Variants in PRDM16 observed in about 807,000 individuals in gnomAD.
PRDM16 encodes the protein PR/SET domain 16.
Under a neutral mutation model 110.6 loss-of-function variants are expected in PRDM16, and 23 were observed. The observed-to-expected ratio is 0.21, with a 90% CI of 0.15 to 0.29. The LOEUF (loss-of-function observed/expected upper bound fraction) is 0.29. PRDM16 is among the 10% of genes least tolerant of loss of function. The pLI is 1.00. For missense variants in PRDM16, 1,615 were observed against 1,794.3 expected (o/e 0.90, Z 1.81); for synonymous variants, 799 against 781.8 (o/e 1.02, Z -0.37).
Position 3,385,148 on chromosome 1 carries a change from G to T in PRDM16, c.439-4G>T, listed in dbSNP as rs1060504136. Reference sequence around the variant, plus strand: ...TGACTCCCGCTTCGCTTTCCTCCCAGCAGATCTCCGAAGACCTGGGCAGTG... The same window carrying T: ...TGACTCCCGCTTCGCTTTCCTCCCATCAGATCTCCGAAGACCTGGGCAGTG... On this transcript the variant is annotated splice_polypyrimidine_tract_variant and splice_region_variant and intron_variant, in intron 3 of 16. Transcript: ENST00000270722. 3 of 1,613,428 alleles carry T rather than the reference G, an allele frequency of 1.9e-6. No individual in the cohort carries two copies.
chr1:3,194,043 C>T (rs188707360), intron 2 of PRDM16, among the ~76,000 whole-genome samples: 278 of 152,322 alleles, frequency 1.8e-3, no homozygotes, highest in Non-Finnish European at 3.0e-3. Flanking sequence ...CGGCCTGGGC[C>T]GAGAGCAGCT....
At chr1:3,274,525 T>A (rs759204510) in intron 3 of PRDM16, among the ~76,000 whole-genome samples, 2 of 152,230 alleles carry the variant, frequency 1.3e-5, no homozygotes, top group Non-Finnish European at 2.9e-5. Flanking sequence ...AGCGTGCAGT[T>A]CATAATATTC....
At chr1:3,119,795 G>A (rs1005181408) in intron 1 of PRDM16, among the ~76,000 whole-genome samples, 4 of 152,206 alleles carry the variant, frequency 2.6e-5, no homozygotes, top group Admixed American at 2.0e-4. Context: ...TGCTGCAGAC[G>A]CTGAGAAAGG....
chr1:3,142,888 G>T (rs908844883), intron 1 of PRDM16, among the ~76,000 whole-genome samples: 1 of 152,198 alleles, frequency 6.6e-6, no homozygotes, highest in African/African-American at 2.4e-5. Context: ...GCAAGGGACC[G>T]GCATGGCTGG....
intron 2 of PRDM16, among the ~76,000 whole-genome samples, chr1:3,197,197 C>T (rs931515560): frequency 1.3e-5 from 2 of 152,192 alleles, no homozygotes; most frequent in Non-Finnish European, 2.9e-5. Flanking sequence ...ATGAACTGGG[C>T]CCCAGGGAGG....
At position 3,433,346 on chromosome 1, in the gene PRDM16, T is replaced by A. The variant is rs567522734; in HGVS notation, c.3697-331T>A. On this transcript the variant is annotated intron_variant, in intron 16 of 16. Coordinates refer to ENST00000270722, the MANE Select transcript of PRDM16 (RefSeq NM_022114.4). ...TCCCTCTTGTTCCTTCTGCCCCCTG[T>A]GGCCCAGGGCAAGGTTGAGCCAGGC... Among the ~76,000 whole-genome samples the A allele has an allele frequency of 9.8e-5, 15 of 152,358 alleles. No individual in the cohort carries two copies. In the South Asian group the frequency reaches 3.1e-3, roughly 32 times the overall value.
chr1:3,349,685 C>G (rs1230718944), intron 3 of PRDM16, among the ~76,000 whole-genome samples: 2 of 152,190 alleles, frequency 1.3e-5, no homozygotes, highest in Non-Finnish European at 2.9e-5. Context: ...AGCTTCCCCT[C>G]CCTCCCACTC....
At chr1:3,104,467 G>A (rs889116340) in intron 1 of PRDM16, among the ~76,000 whole-genome samples, 15 of 150,006 alleles carry the variant, frequency 1.0e-4, no homozygotes, top group African/African-American at 3.7e-4. Flanking sequence ...AGAGAGGACA[G>A]GGTGCTGAGT....
chr1:3,249,291 C>T (rs1639870244), intron 3 of PRDM16, among the ~76,000 whole-genome samples: 1 of 152,038 alleles, frequency 6.6e-6, no homozygotes, highest in Non-Finnish European at 1.5e-5. Flanking sequence ...CACAGAGCTG[C>T]AGAAGGAGGC....
intron 4 of PRDM16, among the ~76,000 whole-genome samples, chr1:3,387,704 G>A (rs542184904): frequency 5.9e-5 from 9 of 152,358 alleles, no homozygotes; most frequent in African/African-American, 9.6e-5. Flanking sequence ...GCCCAGGCAC[G>A]GGGAGTGAGG....
At chr1:3,375,607 T>C (rs1262505706) in intron 3 of PRDM16, among the ~76,000 whole-genome samples, 1 of 152,144 alleles carries the variant, frequency 6.6e-6, no homozygotes, top group African/African-American at 2.4e-5. Context: ...CATGTGCAGG[T>C]TGCAGGAAGG....
rs1380028151 is a variant in PRDM16, at chr1:3,412,524, C to T, written c.2327C>T (p.Thr776Ile). Residue 776 changes from threonine to isoleucine, a missense_variant, in exon 9 of 17, where the codon ACC (threonine) becomes ATC (isoleucine). Thr to Ile is a moderately conservative substitution (Grantham distance 89, BLOSUM62 -1). Coordinates refer to ENST00000270722, the MANE Select transcript of PRDM16 (RefSeq NM_022114.4). ...GPSAECPFDL[T>I]TKPKDVKPIL... ...AGTGCCGAGTGCCCCTTTGATCTCA[C>T]CACCAAGCCCAAAGACGTGAAGCCC... 6 of 1,612,968 alleles carry T rather than the reference C, an allele frequency of 3.7e-6. No homozygotes were observed. In the East Asian group the frequency reaches 1.3e-4, roughly 36 times the overall value.
chr1:3,429,710 C>A (rs189940288), intron 14 of PRDM16, among the ~76,000 whole-genome samples: 3 of 152,188 alleles, frequency 2.0e-5, no homozygotes, highest in African/African-American at 7.2e-5. Context: ...CGACCAGGAC[C>A]GAGGAACTCT....
intron 1 of PRDM16, among the ~76,000 whole-genome samples, chr1:3,110,087 G>T (rs1345707455): frequency 6.7e-6 from 1 of 150,240 alleles, no homozygotes; most frequent in African/African-American, 2.5e-5. Context: ...CTGGGTGTGG[G>T]GACACAGTGG....
rs1020921613 is a variant in PRDM16, at chr1:3,245,667, G to A, written c.438+1530G>A. Among the ~76,000 whole-genome samples the A allele has an allele frequency of 6.6e-6, 1 of 152,162 alleles. No homozygotes were observed. Among genetic ancestry groups the A allele is most frequent in the Non-Finnish European group, 1.5e-5 (1 of 68,028 alleles). On this transcript the variant is annotated intron_variant, in intron 3 of 16. Transcript: ENST00000270722. The surrounding 1 kb of genome is among the most constrained non-coding windows in gnomAD (Gnocchi z 4.7). Reference sequence around the variant, plus strand: ...CCCACGTTTGACTGGAGCAAATGGAGCAAATTCCAGGGCTGGTCTTTTCCA... The same window carrying A: ...CCCACGTTTGACTGGAGCAAATGGAACAAATTCCAGGGCTGGTCTTTTCCA...
At chr1:3,074,825 G>T (rs138419439) in intron 1 of PRDM16, among the ~76,000 whole-genome samples, 137 of 152,362 alleles carry the variant, frequency 9.0e-4, no homozygotes, top group African/African-American at 3.1e-3. Context: ...CAGCAGTCAG[G>T]GGGAGGTGGA....
intron 3 of PRDM16, among the ~76,000 whole-genome samples, chr1:3,284,041 G>GC (rs1467266659): frequency 6.6e-6 from 1 of 152,182 alleles, no homozygotes; most frequent in African/African-American, 2.4e-5. Flanking sequence ...AGGGTAGCGG[G>GC]CCTGGGGGGG....
intron 3 of PRDM16, among the ~76,000 whole-genome samples, chr1:3,291,779 C>T (rs565544468): frequency 2.4e-4 from 36 of 152,236 alleles, no homozygotes; most frequent in Non-Finnish European, 4.4e-4. Flanking sequence ...TGTAAATGCC[C>T]GGCAAGAGAG....
Position 3,398,789 on chromosome 1 carries a change from G to C in PRDM16, c.676+2196G>C, listed in dbSNP as rs147833668. Reference sequence around the variant, plus strand: ...TTGGCGTAGGTGACAGGTGGATGCTGTACCGCGGCCCACGCACCCCTGCCA... The same window carrying C: ...TTGGCGTAGGTGACAGGTGGATGCTCTACCGCGGCCCACGCACCCCTGCCA... On this transcript the variant is annotated intron_variant, in intron 5 of 16. Transcript: ENST00000270722. Among the ~76,000 whole-genome samples, 7 of 152,350 alleles carry C rather than the reference G, an allele frequency of 4.6e-5. No homozygotes were observed. In the East Asian group the frequency reaches 1.3e-3, roughly 29 times the overall value.
Sources: allele counts gnomAD v4.1 joint callset (sites outside exome capture counted in the v4.1 genomes callset), GRCh38; gene constraint gnomAD v4.1.1; non-coding constraint Gnocchi (gnomAD v3.1); transcripts MANE v1.5; gene names NCBI Gene and HGNC (gene_info 2026-07-23, HGNC 2026-07-21).